Variants in RYR3 observed in about 807,000 individuals in gnomAD.
RYR3 encodes brain ryanodine receptor-calcium release channel.
In RYR3, 207 loss-of-function variants were observed where a neutral mutation model predicts 584.3. The observed-to-expected ratio is 0.35, with a 90% CI of 0.32 to 0.40. The LOEUF is 0.40. Ranked by LOEUF, RYR3 falls within the 10% of genes least tolerant of loss-of-function variation. RYR3 has a pLI of 1.00. For missense variants in RYR3, 5,616 were observed against 6,089.2 expected, an observed-to-expected ratio of 0.92 and a Z score of 2.59; for synonymous variants, 2,416 against 2,248.5, an observed-to-expected ratio of 1.07 and a Z score of -2.11.
chr15:33,452,762 C>G (rs1335633980), intron 1 of RYR3, among the ~76,000 whole-genome samples: 1 of 152,104 alleles, frequency 6.6e-6, no homozygotes, highest in African/African-American at 2.4e-5. Flanking sequence ...AGATTCCAAC[C>G]CAAACAGTCT....
intron 65 of RYR3, among the ~76,000 whole-genome samples, chr15:33,784,819 T>C (rs969836943): frequency 6.6e-6 from 1 of 152,084 alleles, no homozygotes; most frequent in African/African-American, 2.4e-5. Flanking sequence ...AGAGTGTCCT[T>C]TACCTTAAGG....
chr15:33,712,608 T>C (rs1247675933), intron 43 of RYR3, among the ~76,000 whole-genome samples: 2 of 152,098 alleles, frequency 1.3e-5, no homozygotes, highest in Non-Finnish European at 2.9e-5. Context: ...CATTGGTAGC[T>C]CAAATGCTTC....
In RYR3 at chr15:33,644,497, C is replaced by A; in HGVS notation, c.3743C>A (p.Pro1248Gln). ...CGCCTCCCGACGTTTGTCAACGTGC[C>A]AAAGGATCATCCACACATAGAGGTA... ...SKRLPTFVNVPKDHPHIEVMR... is the reference protein window; with the variant it reads ...SKRLPTFVNVQKDHPHIEVMR... Residue 1248 changes from proline to glutamine, a missense_variant, in exon 28 of 104, where the codon CCA (proline) becomes CAA (glutamine). Around this residue, in one of 9 missense-constraint regions of RYR3, gnomAD observed 753 missense variants for 741.0 expected, o/e 1.02. Transcript: ENST00000634891. 6.2e-7 allele frequency: 1 copy of A among 1,613,594 alleles called. No individual in the cohort carries two copies. The highest frequency in any genetic ancestry group is 8.5e-7 in the Non-Finnish European group (1 of 1,179,640).
At chr15:33,787,124 G>A (rs924976702) in intron 66 of RYR3, among the ~76,000 whole-genome samples, 4 of 152,156 alleles carry the variant, frequency 2.6e-5, no homozygotes, top group Non-Finnish European at 4.4e-5. Context: ...ACTGAAGTTC[G>A]GCCTGTTATT....
At chr15:33,318,835 A>G (rs2140504903) in intron 1 of RYR3, among the ~76,000 whole-genome samples, 1 of 152,308 alleles carries the variant, frequency 6.6e-6, no homozygotes, top group East Asian at 1.9e-4. Flanking sequence ...ACGAGAACTA[A>G]GGTGCCTCCT....
chr15:33,337,850 T>A (rs1300058531), intron 1 of RYR3, among the ~76,000 whole-genome samples: 3 of 149,434 alleles, frequency 2.0e-5, no homozygotes, highest in African/African-American at 7.4e-5. Flanking sequence ...CACATGCCCA[T>A]CAGCAATAGA....
chr15:33,720,850 G>A (rs2067852527), intron 43 of RYR3, among the ~76,000 whole-genome samples: 1 of 151,174 alleles, frequency 6.6e-6, no homozygotes, highest in Non-Finnish European at 1.5e-5. Context: ...CTCCAGCCTG[G>A]GTGACAGAGC....
intron 22 of RYR3, 38 bp from the exon 23 acceptor site, chr15:33,631,171 TG>T: frequency 2.4e-6 from 3 of 1,252,132 alleles, no homozygotes; most frequent in Non-Finnish European, 3.4e-6. Flanking sequence ...TTCCTAACAC[TG>T]CAGTTAACCT....
intron 57 of RYR3, among the ~76,000 whole-genome samples, chr15:33,754,716 A>G (rs992288899): frequency 6.6e-6 from 1 of 152,078 alleles, no homozygotes; most frequent in East Asian, 1.9e-4. Context: ...TTTTTCTTTT[A>G]TTCACAAAAT....
At chr15:33,654,650 A>G (rs1173397467) in intron 32 of RYR3, among the ~76,000 whole-genome samples, 1 of 152,164 alleles carries the variant, frequency 6.6e-6, no homozygotes, top group African/African-American at 2.4e-5. Flanking sequence ...TCTTATGGTT[A>G]TTGGTAAGAA....
chr15:33,601,007 G>A (rs536077565), intron 16 of RYR3, among the ~76,000 whole-genome samples: 1 of 152,224 alleles, frequency 6.6e-6, no homozygotes, highest in South Asian at 2.1e-4. Context: ...TGTGTTTTCA[G>A]AGCTCAGACA....
intron 48 of RYR3, among the ~76,000 whole-genome samples, chr15:33,733,726 T>C (rs1430952809): frequency 2.0e-5 from 3 of 152,116 alleles, no homozygotes; most frequent in Non-Finnish European, 4.4e-5. Context: ...TAATGTAAAT[T>C]ATGAAATTTG....
At position 33,566,608 on chromosome 15, in the gene RYR3, C is replaced by T. The variant is rs975737944; in HGVS notation, c.1147-70C>T. 38 of 1,521,528 alleles carry T rather than the reference C, an allele frequency of 2.5e-5. No individual in the cohort carries two copies. The African/African-American group carries it at 3.0e-4, about 12-fold the overall frequency. The allele number at this position is 1,521,528 out of a possible 1,614,324, so 94.3% of individuals were successfully genotyped here. A position where few individuals can be genotyped will look rare whatever the true frequency, so the allele number is the denominator to read the frequency against. On this transcript the variant is annotated intron_variant, in intron 11 of 103. Transcript: ENST00000634891. ...AATAAGAGGGATGAGGGCAATACTG[C>T]GGGAAATGTTGACTGCCCATATGTG...
chr15:33,651,257 C>T (rs1235086166), intron 31 of RYR3, among the ~76,000 whole-genome samples: 1 of 152,206 alleles, frequency 6.6e-6, no homozygotes, highest in Non-Finnish European at 1.5e-5. Flanking sequence ...TAATGTATGA[C>T]CAAAGCGAGC....
At chr15:33,644,926 C>T (rs2062016819) in intron 28 of RYR3, among the ~76,000 whole-genome samples, 1 of 151,636 alleles carries the variant, frequency 6.6e-6, no homozygotes, top group African/African-American at 2.4e-5. Context: ...GTGGGAGGAT[C>T]CCTTGAGCTC....
chr15:33,486,544 C>T (rs896596059), intron 2 of RYR3, among the ~76,000 whole-genome samples: 6 of 152,006 alleles, frequency 3.9e-5, no homozygotes, highest in East Asian at 3.9e-4. Flanking sequence ...ATATCTTTTG[C>T]GGGGACACAA....
intron 12 of RYR3, among the ~76,000 whole-genome samples, chr15:33,575,821 C>T (rs2058269419): frequency 9.4e-6 from 1 of 105,914 alleles, no homozygotes; most frequent in Admixed American, 1.1e-4. Context: ...TCAACAAATA[C>T]AGGAGCTGGT....
chr15:33,341,858 AT>A (rs1231585779), intron 1 of RYR3, among the ~76,000 whole-genome samples: 2 of 149,554 alleles, frequency 1.3e-5, no homozygotes, highest in East Asian at 4.0e-4. Flanking sequence ...AAAAAAAAAA[AT>A]TAGAGCTCAA....
At chr15:33,493,941 A>T (rs28688616) in intron 2 of RYR3, among the ~76,000 whole-genome samples, 8,693 of 152,202 alleles carry the variant, frequency 0.057, 358 homozygotes, top group Non-Finnish European at 0.085. Flanking sequence ...GATGATGATG[A>T]TGATGATGAT....
Sources: gnomAD v4.1 joint callset for allele counts (sites outside exome capture counted in the v4.1 genomes callset) on GRCh38, gnomAD v4.1.1 for gene constraint, gnomAD v4.1.1 regional missense constraint, MANE v1.5 for transcripts, NCBI Gene and HGNC (gene_info 2026-07-23, HGNC 2026-07-21) for gene names.